C16orf89: variants seen among roughly 807,000 people sequenced by gnomAD.
C16orf89 encodes the protein UPF0764 protein C16orf89.
A neutral mutation model predicts 41.5 loss-of-function variants in C16orf89; 57 were observed. That is an observed-to-expected ratio of 1.38 (90% CI 1.11 to 1.71). C16orf89 has a LOEUF of 1.71. Ranked by LOEUF, C16orf89 falls within the 40% of genes most tolerant of loss-of-function variation. C16orf89 has a pLI of 0.00. For synonymous variants in C16orf89, 223 were observed against 190.6 expected, an observed-to-expected ratio of 1.17 and a Z score of -1.40; for missense variants, 575 against 445.9, an observed-to-expected ratio of 1.29 and a Z score of -2.61.
intron 3 of C16orf89, among the ~76,000 whole-genome samples, chr16:5,059,060 T>C (rs1956565712): frequency 6.6e-6 from 1 of 151,656 alleles, no homozygotes; most frequent in Non-Finnish European, 1.5e-5. Context: ...GCCAACATGG[T>C]GAAACCCTGT....
chr16:5,055,979 GTGTGTGTGTGTGTGTGTGTGT>G, intron 5 of C16orf89, 53 bp downstream of exon 5: 1 of 1,009,362 alleles, frequency 9.9e-7, no homozygotes, highest in African/African-American at 1.6e-5. Flanking sequence ...GTGTGTGTGT[GTGTGTGTGTGTGTGTGTGTGT>G]TGGTGGGGGG....
chr16:5,044,426 G>T lies in C16orf89; in HGVS notation c.1008C>A (p.Phe336Leu), dbSNP rs1956256058. The change falls in exon 8 of 8, where the codon TTC becomes TTA. Residue 336 changes from phenylalanine (F) to leucine (L), a missense_variant. Transcript: ENST00000472572. ...GGGGGTATTCTGCCAGGATGTATAG[G>T]AAGCCACCCAGGGCTGCCACTGCTG... ...TATAVAALGGFLYILAEYPPA... is the reference protein window; with the variant it reads ...TATAVAALGGLLYILAEYPPA... 6.2e-7 allele frequency: 1 copy of T among 1,612,974 alleles called. No individual in the cohort carries two copies.
intron 7 of C16orf89, among the ~76,000 whole-genome samples, 183 bp downstream of exon 7, chr16:5,047,695 C>G (rs1452921947): frequency 6.6e-6 from 1 of 152,082 alleles, no homozygotes; most frequent in Non-Finnish European, 1.5e-5. Flanking sequence ...TCCCCACTTT[C>G]TAAGAGGAGG....
At position 5,047,862 on chromosome 16, in the gene C16orf89, T is replaced by G; in HGVS notation, c.955+16A>C. The G allele has an allele frequency of 6.3e-6, 9 of 1,439,814 alleles. No homozygotes were observed. The highest frequency in any genetic ancestry group is 8.8e-6 in the Non-Finnish European group (9 of 1,023,454). 89.2% of individuals were successfully genotyped at this position (1,439,814 alleles called of 1,614,324 possible). On this transcript the variant is annotated intron_variant, in intron 7 of 7. Coordinates refer to ENST00000472572, the MANE Select transcript of C16orf89 (RefSeq NM_001098514.3). ...TTAGTTTCATGTCAAGAAACTCCCT[T>G]GGGTATTTTCATTACCTGGAAATTG...
intron 5 of C16orf89, 150 bp downstream of exon 5, chr16:5,055,903 C>A: frequency 8.0e-7 from 1 of 1,245,838 alleles, no homozygotes; most frequent in South Asian, 1.4e-5. Context: ...TTTAACTGAG[C>A]ACTCTGTATT....
intron 7 of C16orf89, chr16:5,044,954 C>G: frequency 2.5e-6 from 3 of 1,204,724 alleles, no homozygotes; most frequent in Middle Eastern, 7.2e-4. Context: ...GCTCTTCCGC[C>G]AGCTGCTAAG....
At chr16:5,048,863 A>G (rs1956349703) in intron 6 of C16orf89, among the ~76,000 whole-genome samples, 1 of 152,160 alleles carries the variant, frequency 6.6e-6, no homozygotes, top group African/African-American at 2.4e-5. Context: ...AAGTCCTCAC[A>G]AGCCAATAAT....
intron 1 of C16orf89, among the ~76,000 whole-genome samples, chr16:5,062,928 T>G (rs1021191499): frequency 6.6e-6 from 1 of 152,206 alleles, no homozygotes; most frequent in Non-Finnish European, 1.5e-5. Context: ...AGAACCACTG[T>G]GTACAGTTGA....
Position 5,055,227 on chromosome 16 carries a change from G to C in C16orf89, c.868+19C>G, listed in dbSNP as rs779384380. ...CCCCCACTGCCCCCCTTCTTAGCCA[G>C]GGCAGCAGCGCAGCTCACCAGGCTC... is the stretch of plus-strand genomic sequence containing the variant. On this transcript the variant is annotated intron_variant, in intron 6 of 7. Coordinates refer to ENST00000472572, the MANE Select transcript of C16orf89 (RefSeq NM_001098514.3). The C allele has an allele frequency of 1.5e-5, 24 of 1,573,860 alleles. No homozygotes were observed. The South Asian group carries it at 1.9e-4, about 13-fold the overall frequency.
At chr16:5,064,729 G>A (rs9923629) in intron 1 of C16orf89, among the ~76,000 whole-genome samples, 3,783 of 152,208 alleles carry the variant, frequency 0.025, 147 homozygotes, top group African/African-American at 0.083. Flanking sequence ...AAGGGGCAGT[G>A]GATGTGGGAT....
chr16:5,052,580 G>C (rs977059494), intron 6 of C16orf89, among the ~76,000 whole-genome samples: 5 of 147,976 alleles, frequency 3.4e-5, no homozygotes, highest in African/African-American at 1.3e-4. Context: ...GACAGAGTGA[G>C]ACCCTGTCTA....
chr16:5,055,309 G>C lies in C16orf89; in HGVS notation c.805C>G (p.Leu269Val), dbSNP rs972674191. The change falls in exon 6 of 8, where the codon CTC (leucine) becomes GTC (valine). Residue 269 changes from leucine (L) to valine (V), a missense_variant. By Grantham distance (32) the Leu-to-Val change is conservative. Transcript: ENST00000472572. The part of the protein sequence containing the change: ...GMGGFSDFYK[L>V]RWLEAILSWQ... Reference sequence around the variant, plus strand: ...CTGAGAATGGCCTCCAGCCACCGGAGCTTGTAGAAGTCGGAGAAGCCGCCC... The same window carrying C: ...CTGAGAATGGCCTCCAGCCACCGGACCTTGTAGAAGTCGGAGAAGCCGCCC... 6.2e-7 allele frequency: 1 copy of C among 1,613,514 alleles called. No homozygotes were observed.
At chr16:5,064,672 A>C (rs1395050534) in intron 1 of C16orf89, among the ~76,000 whole-genome samples, 2 of 152,162 alleles carry the variant, frequency 1.3e-5, no homozygotes, top group African/African-American at 2.4e-5. Flanking sequence ...TGTATTAAGC[A>C]CTGAATTCCT....
rs1956646615 is a variant in C16orf89 at position 5,062,501 on chromosome 16, C to T, written c.282G>A (p.Met94Ile). ...TGGCAGCCTCCAGCTTCTCCCCCAG[C>T]ATCCCCACGCGCAGGCTCAGCGGCT... ...LLQPLSLRVG[M>I]LGEKLEAAIQ... The change falls in exon 2 of 8, where the codon ATG becomes ATA. Residue 94 changes from methionine (M) to isoleucine (I), a missense_variant. Transcript: ENST00000472572. The T allele has an allele frequency of 6.2e-7, 1 of 1,614,094 alleles. No homozygotes were observed. Among genetic ancestry groups the T allele is most frequent in the Non-Finnish European group, 8.5e-7 (1 of 1,179,942 alleles).
intron 4 of C16orf89, among the ~76,000 whole-genome samples, chr16:5,057,161 C>T (rs187412426): frequency 2.7e-3 from 409 of 150,410 alleles, no homozygotes; most frequent in Admixed American, 4.8e-3. Flanking sequence ...TGCTTAAATC[C>T]GGGAGGCAGA....
chr16:5,065,803 C>G lies in C16orf89; in HGVS notation c.106G>C (p.Ala36Pro). 6.2e-7 allele frequency: 1 copy of G among 1,614,174 alleles called. No individual in the cohort carries two copies. Among genetic ancestry groups the G allele is most frequent in the Non-Finnish European group, 8.5e-7 (1 of 1,179,970 alleles). ...LDTAESKATI[A>P]DLILSALERA... ...TCCAGCGCAGACAGGATCAGGTCTGCAATGGTGGCTTTACTTTCAGCAGTG... is the reference window on the plus strand; with the variant it reads ...TCCAGCGCAGACAGGATCAGGTCTGGAATGGTGGCTTTACTTTCAGCAGTG... The change falls in exon 1 of 8, where the codon GCA (alanine) becomes CCA (proline). Residue 36 changes from alanine to proline, a missense_variant. By Grantham distance (27) the Ala-to-Pro change is conservative. Transcript: ENST00000472572.
intron 6 of C16orf89, among the ~76,000 whole-genome samples, chr16:5,052,028 G>C (rs1204727286): frequency 6.8e-6 from 1 of 148,060 alleles, no homozygotes; most frequent in Non-Finnish European, 1.5e-5. Context: ...GCTTGAACCC[G>C]AGAGGTGGAG....
At chr16:5,044,080 C>A, downstream of C16orf89, 1 of 1,107,394 alleles carries the variant, frequency 9.0e-7, no homozygotes, top group Non-Finnish European at 1.1e-6. Context: ...AGAGGTTGTC[C>A]AAGGTTGTCC....
At chr16:5,058,915 A>G (rs773116526) in intron 3 of C16orf89, among the ~76,000 whole-genome samples, 4 of 152,028 alleles carry the variant, frequency 2.6e-5, no homozygotes, top group African/African-American at 4.8e-5. Context: ...TTGAACCCAG[A>G]CCACTTGGAA....
Sources: allele counts gnomAD v4.1 joint callset (sites outside exome capture counted in the v4.1 genomes callset), GRCh38; gene constraint gnomAD v4.1.1; transcripts MANE v1.5; gene names NCBI Gene and HGNC (gene_info 2026-07-23, HGNC 2026-07-21).